Variants in OTOA observed in about 807,000 individuals in gnomAD.
OTOA encodes cancer/testis antigen 108.
A neutral mutation model predicts 110.8 loss-of-function variants in OTOA; 70 were observed. That is an observed-to-expected ratio of 0.63 (90% CI 0.52 to 0.77). OTOA has a LOEUF of 0.77. Ranked by LOEUF, OTOA falls within the 30% of genes least tolerant of loss-of-function variation. The probability of loss-of-function intolerance (pLI) is 0.00; values close to 1 mark genes in which losing one functional copy is unlikely to be tolerated. For synonymous variants in OTOA, 373 were observed against 431.5 expected (o/e 0.86, Z 1.68); for missense variants, 917 against 1,075.8 (o/e 0.85, Z 2.06).
At chr16:21,724,629 A>G (rs781772039) in intron 18 of OTOA, among the ~76,000 whole-genome samples, 6 of 152,180 alleles carry the variant, frequency 3.9e-5, no homozygotes, top group South Asian at 2.1e-4. Flanking sequence ...TTATTTCAGT[A>G]ACCCAGATCT....
At chr16:21,713,742 C>T (rs920320551) in intron 13 of OTOA, among the ~76,000 whole-genome samples, 8 of 152,092 alleles carry the variant, frequency 5.3e-5, no homozygotes, top group African/African-American at 9.7e-5. Context: ...TGACCAATGC[C>T]CACGCACTCC....
At chr16:21,726,798 A>G in intron 19 of OTOA, 140 bp downstream of exon 19, 1 of 1,235,814 alleles carries the variant, frequency 8.1e-7, no homozygotes. Context: ...GCTTACTCTA[A>G]AGTTGCTGGT....
At chr16:21,720,597 T>C (rs1328003275) in intron 17 of OTOA, among the ~76,000 whole-genome samples, 2 of 152,132 alleles carry the variant, frequency 1.3e-5, no homozygotes, top group Admixed American at 6.6e-5. Context: ...AAAACACAAA[T>C]TGGGGGCCCC....
intron 9 of OTOA, among the ~76,000 whole-genome samples, 157 bp from the exon 10 acceptor site, chr16:21,697,618 T>G (rs781386446): frequency 1.3e-5 from 2 of 151,950 alleles, no homozygotes; most frequent in Non-Finnish European, 2.9e-5. Context: ...GGCAACAGAG[T>G]GAGATTCTGT....
rs185514215 is a variant in OTOA at position 21,724,312 on chromosome 16, G to A, written c.1880+1334G>A. On this transcript the variant is annotated intron_variant, in intron 18 of 28. Transcript: ENST00000646100. ...ATAGACTGGAGAGACAGGGGAGACCGAACTAATGCTGGATAGAGAGTTTAA... is the reference window on the plus strand; with the variant it reads ...ATAGACTGGAGAGACAGGGGAGACCAAACTAATGCTGGATAGAGAGTTTAA... 2.2e-3 allele frequency among the ~76,000 whole-genome samples: 333 copies of A among 152,244 alleles called. 1 individual carries two copies. Among genetic ancestry groups the A allele is most frequent in the Non-Finnish European group, 4.0e-3 (270 of 68,006 alleles).
At chr16:21,707,185 T>A (rs1423781691) in intron 12 of OTOA, among the ~76,000 whole-genome samples, 3 of 151,796 alleles carry the variant, frequency 2.0e-5, no homozygotes, top group Non-Finnish European at 4.4e-5. Context: ...TATTTTTGTT[T>A]CCAAGGAAAA....
intron 1 of OTOA, among the ~76,000 whole-genome samples, chr16:21,676,266 C>T (rs1352292759): frequency 6.6e-6 from 1 of 152,012 alleles, no homozygotes; most frequent in Non-Finnish European, 1.5e-5. Flanking sequence ...TTTTACATTG[C>T]TGGATTTTTT....
chr16:21,701,659 C>T (rs904038573), intron 11 of OTOA, among the ~76,000 whole-genome samples: 7 of 152,134 alleles, frequency 4.6e-5, no homozygotes, highest in East Asian at 1.9e-4. Context: ...TGTCCTGTCA[C>T]CCAGGCTGGA....
chr16:21,686,728 T>TC (rs1897721293), intron 7 of OTOA, among the ~76,000 whole-genome samples: 2 of 151,998 alleles, frequency 1.3e-5, no homozygotes, highest in Admixed American at 1.3e-4. Flanking sequence ...ATGGCAAAAC[T>TC]CCATCTCTAC....
chr16:21,669,512 C>T (rs532514386), intron 1 of OTOA, among the ~76,000 whole-genome samples: 1 of 152,152 alleles, frequency 6.6e-6, no homozygotes, highest in Non-Finnish European at 1.5e-5. Context: ...AAAGGCTTCT[C>T]AAGCTTAGTA....
intron 1 of OTOA, among the ~76,000 whole-genome samples, chr16:21,675,089 CTT>C (rs1333149612): frequency 8.2e-6 from 1 of 122,434 alleles, no homozygotes; most frequent in East Asian, 2.4e-4. Context: ...TTCTTTCTTT[CTT>C]TCTTTCTTTC....
intron 1 of OTOA, among the ~76,000 whole-genome samples, chr16:21,672,907 G>C (rs1228195048): frequency 2.6e-5 from 4 of 152,122 alleles, no homozygotes; most frequent in Non-Finnish European, 4.4e-5. Context: ...TAGCACTTTG[G>C]GAGGCCGAGA....
At chr16:21,666,243 A>ATTTTT (rs61085785) in intron 1 of OTOA, among the ~76,000 whole-genome samples, 2,066 of 128,968 alleles carry the variant, frequency 0.016, 50 homozygotes, top group African/African-American at 0.057. Context: ...ATGAAATGGC[A>ATTTTT]TTTTTTTTTT....
At position 21,685,711 on chromosome 16, in the gene OTOA, C is replaced by A. The variant is rs750537934; in HGVS notation, c.399+350C>A. The stretch of plus-strand genomic sequence containing the variant: ...CCAAGTAGCTGGGATTACAAGTGTG[C>A]ACCACCATGCCTGGCTAATTTTTGT... On this transcript the variant is annotated intron_variant, in intron 7 of 28. Transcript: ENST00000646100. Among the ~76,000 whole-genome samples, 40 of 152,162 alleles carry A rather than the reference C, an allele frequency of 2.6e-4. 1 individual carries two copies. Among genetic ancestry groups the A allele is most frequent in the Admixed American group, 4.6e-4 (7 of 15,292 alleles).
chr16:21,692,451 A>G (rs150119976), intron 9 of OTOA, among the ~76,000 whole-genome samples: 44 of 152,288 alleles, frequency 2.9e-4, no homozygotes, highest in Non-Finnish European at 5.6e-4. Context: ...TATTTATTTG[A>G]TGGATGTTGC....
At chr16:21,727,011 A>ATT in intron 19 of OTOA, 4 of 184,162 alleles carry the variant, frequency 2.2e-5, no homozygotes, top group Non-Finnish European at 4.2e-5. Flanking sequence ...TCCCCCTTAG[A>ATT]GTTTTTTTTT....
rs777632472 is a variant in OTOA, at chr16:21,716,897, C to T, written c.1489-10C>T. 1.2e-6 allele frequency: 2 copies of T among 1,613,840 alleles called. No individual in the cohort carries two copies. The highest frequency in any genetic ancestry group is 1.1e-5 in the South Asian group (1 of 91,086). Reference sequence around the variant, plus strand: ...TACAATGTTGTTTTGTTGCTTCTCGCTTCTGGCAGATGGTCCAAGCGGAAG... The same window carrying T: ...TACAATGTTGTTTTGTTGCTTCTCGTTTCTGGCAGATGGTCCAAGCGGAAG... On this transcript the variant is annotated splice_polypyrimidine_tract_variant and intron_variant, in intron 14 of 28. Transcript: ENST00000646100.
chr16:21,686,222 G>C (rs1239511761), intron 7 of OTOA, among the ~76,000 whole-genome samples: 2 of 151,940 alleles, frequency 1.3e-5, no homozygotes, highest in Non-Finnish European at 2.9e-5. Flanking sequence ...ATTGTCATGA[G>C]AATTAATCAG....
chr16:21,752,407 C>T lies in OTOA; in HGVS notation c.2957C>T (p.Thr986Ile). ...VARIGTLLCS[T>I]HVLAEFKRKA... ...AGAATTGGGACCCTGCTCTGCAGCA[C>T]ACATGTCTTAGCCGAGTTTAAGAGG... is the stretch of plus-strand genomic sequence containing the variant. The change falls in exon 26 of 29, where the codon ACA (threonine) becomes ATA (isoleucine). Residue 986 changes from threonine to isoleucine, a missense_variant. By Grantham distance (89) the Thr-to-Ile change is moderately conservative (BLOSUM62 -1). Coordinates refer to ENST00000646100, the MANE Select transcript of OTOA (RefSeq NM_144672.4). The T allele has an allele frequency of 2.2e-6, 1 of 454,978 alleles. No individual in the cohort carries two copies. The highest frequency in any genetic ancestry group is 4.3e-6 in the Non-Finnish European group (1 of 233,002). 28.2% of individuals were successfully genotyped at this position (454,978 alleles called of 1,614,324 possible).
Sources: allele counts gnomAD v4.1 joint callset (sites outside exome capture counted in the v4.1 genomes callset), GRCh38; gene constraint gnomAD v4.1.1; transcripts MANE v1.5; gene names NCBI Gene and HGNC (gene_info 2026-07-23, HGNC 2026-07-21).